Variants in SYT14 observed in about 807,000 individuals in gnomAD.
SYT14 encodes the protein synaptotagmin 14.
Under a neutral mutation model 74.2 loss-of-function variants are expected in SYT14, and 32 were observed. The observed-to-expected ratio is 0.43, with a 90% confidence interval of 0.33 to 0.58. SYT14 has a LOEUF of 0.58. Among genes scored for constraint, SYT14 ranks in the 20% least tolerant of loss-of-function variants. SYT14 has a pLI of 0.05. For missense variants in SYT14, 791 were observed against 981.8 expected (o/e 0.81, Z 2.60); for synonymous variants, 298 against 337.7 (o/e 0.88, Z 1.29).
chr1:209,981,675 C>G (rs936446657), intron 2 of SYT14, among the ~76,000 whole-genome samples: 1 of 151,976 alleles, frequency 6.6e-6, no homozygotes, highest in Admixed American at 6.6e-5. Context: ...ATGCTGGTCT[C>G]AAACTCCTGG....
intron 7 of SYT14, among the ~76,000 whole-genome samples, chr1:210,137,099 A>G (rs919111778): frequency 1.3e-5 from 2 of 152,154 alleles, no homozygotes; most frequent in African/African-American, 4.8e-5. Context: ...TTTTATACAA[A>G]TGAATTTCTG....
chr1:209,944,843 A>G (rs2078796748), intron 1 of SYT14, among the ~76,000 whole-genome samples: 1 of 152,170 alleles, frequency 6.6e-6, no homozygotes, highest in Non-Finnish European at 1.5e-5. Flanking sequence ...GAATATTTAC[A>G]TGGGAGAATG....
intron 7 of SYT14, among the ~76,000 whole-genome samples, chr1:210,111,432 C>T (rs2082259994): frequency 1.3e-5 from 2 of 151,158 alleles, no homozygotes; most frequent in African/African-American, 4.9e-5. Context: ...TACATGCAGG[C>T]TTGGGCCCAG....
chr1:209,972,645 A>T (rs1382365044), intron 2 of SYT14, among the ~76,000 whole-genome samples: 1 of 152,094 alleles, frequency 6.6e-6, no homozygotes, highest in East Asian at 1.9e-4. Flanking sequence ...TTTCCATGAA[A>T]TTGTGTGGTT....
chr1:210,163,877 C>A (rs1191019142), exon 10 of SYT14: 1 of 453,690 alleles, frequency 2.2e-6, no homozygotes, highest in East Asian at 6.9e-5. Context: ...CAAATAGGGA[C>A]CTACTGGTAG....
chr1:210,105,857 C>T (rs778951392), intron 7 of SYT14, among the ~76,000 whole-genome samples: 70 of 152,304 alleles, frequency 4.6e-4, no homozygotes, highest in Non-Finnish European at 9.4e-4. Flanking sequence ...CCCTCTCCCT[C>T]TCTCACTCTT....
chr1:210,146,757 T>C (rs956422710), intron 7 of SYT14, among the ~76,000 whole-genome samples: 4 of 151,236 alleles, frequency 2.6e-5, no homozygotes, highest in East Asian at 3.9e-4. Context: ...TACTATATGT[T>C]ATATATACTA....
intron 5 of SYT14, among the ~76,000 whole-genome samples, chr1:210,061,771 A>G (rs1211078793): frequency 6.6e-6 from 1 of 151,944 alleles, no homozygotes; most frequent in East Asian, 1.9e-4. Flanking sequence ...TTCTCAATTC[A>G]CAATATAACT....
chr1:210,141,300 A>C (rs958156305), intron 7 of SYT14, among the ~76,000 whole-genome samples: 11 of 152,174 alleles, frequency 7.2e-5, no homozygotes, highest in Non-Finnish European at 1.3e-4. Flanking sequence ...GCTATTGTGA[A>C]TGGAATTGTT....
intron 7 of SYT14, among the ~76,000 whole-genome samples, chr1:210,131,497 G>A (rs938852509): frequency 2.7e-4 from 41 of 151,416 alleles, no homozygotes; most frequent in African/African-American, 6.8e-4. Context: ...CCACTTTTTC[G>A]TAGAGGCAAG....
chr1:210,149,549 TTTG>T (rs2083117076), intron 7 of SYT14, among the ~76,000 whole-genome samples: 1 of 152,118 alleles, frequency 6.6e-6, no homozygotes, highest in African/African-American at 2.4e-5. Context: ...GATAAAATAT[TTTG>T]TTATTATGGT....
rs1196789715 is a variant in SYT14, at chr1:210,056,659, C to CAAAAAAAAAAA, written c.1312+35412_1312+35422dup. Among the ~76,000 whole-genome samples the CAAAAAAAAAAA allele has an allele frequency of 6.7e-4, 53 of 79,368 alleles. No individual in the cohort carries two copies. In the East Asian group the frequency reaches 7.4e-3, roughly 11 times the overall value. 52.1% of individuals were successfully genotyped at this position (79,368 alleles called of 152,430 possible). On this transcript the variant is annotated intron_variant, in intron 5 of 9. Transcript: ENST00000637265. ...TGAAACCCCGTCTCTACTAAAAATACAAAAAAAAAAAAAAAAATTAGCCGG... is the reference window on the plus strand; with the variant it reads ...TGAAACCCCGTCTCTACTAAAAATACAAAAAAAAAAAAAAAAAAAAAAAAAAAATTAGCCGG...
exon 6 of SYT14, chr1:210,094,351 C>A: frequency 6.2e-7 from 1 of 1,613,846 alleles, no homozygotes; most frequent in Non-Finnish European, 8.5e-7. Flanking sequence ...GAGAAGAACA[C>A]CCCCGCTGGA....
intron 2 of SYT14, among the ~76,000 whole-genome samples, chr1:210,008,625 A>T (rs2102903948): frequency 6.6e-6 from 1 of 152,232 alleles, no homozygotes; most frequent in Non-Finnish European, 1.5e-5. Flanking sequence ...AGCCTCCCAA[A>T]GTGCCGGGAT....
At chr1:210,018,875 C>T (rs139964291) in intron 4 of SYT14, among the ~76,000 whole-genome samples, 349 of 152,166 alleles carry the variant, frequency 2.3e-3, no homozygotes, top group African/African-American at 7.7e-3. Context: ...CGGTGGCTCA[C>T]GCCTGTAATC....
intron 1 of SYT14, among the ~76,000 whole-genome samples, chr1:209,947,911 A>G (rs1163785140): frequency 1.3e-5 from 2 of 152,238 alleles, no homozygotes; most frequent in South Asian, 2.1e-4. Flanking sequence ...ATTAACATCA[A>G]GGCGAGACCC....
chr1:210,139,265 C>CTTTTTTTTTTTTT (rs960923188), intron 7 of SYT14, among the ~76,000 whole-genome samples: 27 of 95,850 alleles, frequency 2.8e-4, no homozygotes, highest in African/African-American at 3.7e-4. Context: ...TTTCTTTTTT[C>CTTTTTTTTTTTTT]TTTTTTTTTT....
intron 5 of SYT14, 48 bp downstream of exon 4, chr1:210,021,302 G>T: frequency 6.6e-7 from 1 of 1,513,456 alleles, no homozygotes; most frequent in South Asian, 1.1e-5. Context: ...TATAGTATTT[G>T]ATTACTTGTG....
chr1:210,093,011 A>G (rs1157521409), intron 5 of SYT14, among the ~76,000 whole-genome samples: 1 of 152,164 alleles, frequency 6.6e-6, no homozygotes, highest in Non-Finnish European at 1.5e-5. Context: ...GCATTTTGGT[A>G]TTTGAAAGGG....
Sources: gnomAD v4.1 joint callset for allele counts (sites outside exome capture counted in the v4.1 genomes callset) on GRCh38, gnomAD v4.1.1 for gene constraint, MANE v1.5 for transcripts, NCBI Gene and HGNC (gene_info 2026-07-23, HGNC 2026-07-21) for gene names.